Variants in GLIS3 observed in about 807,000 individuals in gnomAD.
GLIS3 encodes the protein GLIS family zinc finger 3.
Under a neutral mutation model 78.6 loss-of-function variants are expected in GLIS3, and 53 were observed. That is an observed-to-expected ratio of 0.67 (90% CI 0.54 to 0.85). GLIS3 has a LOEUF of 0.85. GLIS3 is among the 40% of genes least tolerant of loss of function. The pLI is 0.00. For missense variants in GLIS3, 1,703 were observed against 1,231.1 expected, an observed-to-expected ratio of 1.38 and a Z score of -5.74; for synonymous variants, 684 against 509.9, an observed-to-expected ratio of 1.34 and a Z score of -4.60.
the GLIS3 span, among the ~76,000 whole-genome samples, chr9:4,436,308 A>G: frequency 6.6e-6 from 1 of 152,258 alleles, no homozygotes; most frequent in Non-Finnish European, 1.5e-5. Context: ...TATTTGTAAT[A>G]TATTAAAAGG....
intron 4 of GLIS3, among the ~76,000 whole-genome samples, chr9:3,939,870 T>G (rs1826105298): frequency 6.6e-6 from 1 of 152,118 alleles, no homozygotes; most frequent in Admixed American, 6.5e-5. Context: ...CCAAGACCAG[T>G]AAAATCAGGC....
At chr9:4,128,034 G>A (rs1370298157) in intron 2 of GLIS3, among the ~76,000 whole-genome samples, 1 of 152,168 alleles carries the variant, frequency 6.6e-6, no homozygotes. Flanking sequence ...AGTGCATGAT[G>A]TCCAGATTTC....
At chr9:4,219,670 T>C (rs1356044267) in intron 2 of GLIS3, among the ~76,000 whole-genome samples, 3 of 152,212 alleles carry the variant, frequency 2.0e-5, no homozygotes, top group Non-Finnish European at 2.9e-5. Context: ...GTCACTATTC[T>C]GAGCATCTTT....
the GLIS3 span, chr9:4,490,360 C>T: frequency 5.3e-6 from 1 of 188,136 alleles, no homozygotes; most frequent in South Asian, 1.6e-4. Flanking sequence ...GTCCCACGCA[C>T]GCACCCACCC....
intron 4 of GLIS3, among the ~76,000 whole-genome samples, chr9:4,040,893 C>G (rs111708791): frequency 0.027 from 4,050 of 152,242 alleles, 173 homozygotes; most frequent in African/African-American, 0.09. Context: ...GGTCCAGCAG[C>G]ATCAGCACTG....
intron 2 of GLIS3, among the ~76,000 whole-genome samples, chr9:4,315,540 C>T (rs761891330): frequency 1.3e-5 from 2 of 152,078 alleles, no homozygotes; most frequent in Non-Finnish European, 2.9e-5. Context: ...GAGTTAATTC[C>T]TAAACTTCAC....
intron 2 of GLIS3, among the ~76,000 whole-genome samples, chr9:4,195,973 G>A (rs1818800828): frequency 1.3e-5 from 2 of 151,526 alleles, no homozygotes; most frequent in Admixed American, 6.6e-5. Flanking sequence ...CCTGTGTCTA[G>A]GTCAAGGTTT....
At position 4,100,363 on chromosome 9, in the gene GLIS3, G is replaced by C. The variant is rs1328901681; in HGVS notation, c.1710+17405C>G. Among the ~76,000 whole-genome samples the C allele has an allele frequency of 4.6e-5, 7 of 152,150 alleles. No homozygotes were observed. The South Asian group carries it at 1.5e-3, about 32-fold the overall frequency. ...AGATAAATAACTTCTGGAAACATGAGAGAGAGTATTTGTATGTTTTAAATG... is the reference window on the plus strand; with the variant it reads ...AGATAAATAACTTCTGGAAACATGACAGAGAGTATTTGTATGTTTTAAATG... On this transcript the variant is annotated intron_variant, in intron 4 of 10. Coordinates refer to ENST00000381971, the MANE Select transcript of GLIS3 (RefSeq NM_001042413.2).
chr9:4,255,933 T>C (rs1824892043), intron 2 of GLIS3, among the ~76,000 whole-genome samples: 2 of 152,192 alleles, frequency 1.3e-5, no homozygotes. Flanking sequence ...ATGTTGATAA[T>C]GGCGAATGCT....
intron 2 of GLIS3, among the ~76,000 whole-genome samples, chr9:4,345,584 T>C (rs990732195): frequency 6.6e-6 from 1 of 152,222 alleles, no homozygotes; most frequent in African/African-American, 2.4e-5. Flanking sequence ...AGGTTCCATG[T>C]ATCTTACCAG....
chr9:4,261,491 G>T (rs983121960), intron 2 of GLIS3, among the ~76,000 whole-genome samples: 4 of 152,156 alleles, frequency 2.6e-5, no homozygotes, highest in Non-Finnish European at 4.4e-5. Context: ...TATCTCTATG[G>T]TAGAATAAAA....
At chr9:4,366,809 T>C in the GLIS3 span, among the ~76,000 whole-genome samples, 1 of 152,142 alleles carries the variant, frequency 6.6e-6, no homozygotes, top group African/African-American at 2.4e-5. Flanking sequence ...ATAACGGTCT[T>C]GTCACTGGAA....
intron 2 of GLIS3, among the ~76,000 whole-genome samples, chr9:4,333,238 G>GAAGGGAAGGAAAGGAAA: frequency 6.9e-6 from 1 of 145,308 alleles, no homozygotes; most frequent in South Asian, 2.2e-4. Flanking sequence ...AGGAAAAGTG[G>GAAGGGAAGGAAAGGAAA]AGGGGAAGGA....
chr9:4,177,180 A>G (rs1314163153), intron 2 of GLIS3, among the ~76,000 whole-genome samples: 1 of 151,118 alleles, frequency 6.6e-6, no homozygotes, highest in Non-Finnish European at 1.5e-5. Context: ...CAAAATCACC[A>G]TTGCTTTAAT....
rs1375045755 is a variant in GLIS3 at position 4,086,505 on chromosome 9, T to C, written c.1710+31263A>G. Among the ~76,000 whole-genome samples the C allele has an allele frequency of 3.3e-5, 5 of 152,148 alleles. No homozygotes were observed. In the South Asian group the frequency reaches 8.3e-4, roughly 25 times the overall value. ...GCACATATGCAGAATGTTTATTACATTGGGGTGAATTCAATAAAATTGAAA... is the reference window on the plus strand; with the variant it reads ...GCACATATGCAGAATGTTTATTACACTGGGGTGAATTCAATAAAATTGAAA... On this transcript the variant is annotated intron_variant, in intron 4 of 10. Coordinates refer to ENST00000381971, the MANE Select transcript of GLIS3 (RefSeq NM_001042413.2).
chr9:4,099,248 A>C (rs534141062), intron 4 of GLIS3, among the ~76,000 whole-genome samples: 1 of 152,364 alleles, frequency 6.6e-6, no homozygotes, highest in South Asian at 2.1e-4. Context: ...ACAGAAATGT[A>C]TCATCTCATA....
At chr9:4,001,190 C>T (rs1024449676) in intron 4 of GLIS3, among the ~76,000 whole-genome samples, 1 of 152,116 alleles carries the variant, frequency 6.6e-6, no homozygotes, top group Non-Finnish European at 1.5e-5. Flanking sequence ...GTTACATATA[C>T]TTAAATTATA....
intron 2 of GLIS3, among the ~76,000 whole-genome samples, chr9:4,224,365 C>G (rs893948399): frequency 1.3e-5 from 2 of 152,226 alleles, no homozygotes; most frequent in South Asian, 2.1e-4. Flanking sequence ...CTGGCCGTCT[C>G]ACTGGTGACA....
intron 2 of GLIS3, among the ~76,000 whole-genome samples, chr9:4,198,637 T>C (rs1819084156): frequency 6.6e-6 from 1 of 152,140 alleles, no homozygotes; most frequent in Non-Finnish European, 1.5e-5. Context: ...GGAAAACATA[T>C]TTGAGAAAAT....
Sources: allele counts gnomAD v4.1 joint callset (sites outside exome capture counted in the v4.1 genomes callset), GRCh38; gene constraint gnomAD v4.1.1; transcripts MANE v1.5; gene names NCBI Gene and HGNC (gene_info 2026-07-23, HGNC 2026-07-21).